Variants in SPIDR observed in about 807,000 individuals in gnomAD.
The protein encoded by SPIDR is DNA repair-scaffolding protein.
In SPIDR, 93 loss-of-function variants were observed where a neutral mutation model predicts 104.6. The ratio of observed to expected loss-of-function variants is 0.89; its 90% CI spans 0.75 to 1.06. The LOEUF (loss-of-function observed/expected upper bound fraction) is 1.06, where lower values mean the gene tolerates loss of function less well. Among genes scored for constraint, SPIDR ranks in the 50% least tolerant of loss-of-function variants. The pLI, the probability that SPIDR is intolerant of heterozygous loss-of-function variation, is 0.00. For synonymous variants in SPIDR, 431 were observed against 416.9 expected, an observed-to-expected ratio of 1.03 and a Z score of -0.41; for missense variants, 1,154 against 1,111.2, an observed-to-expected ratio of 1.04 and a Z score of -0.55.
chr8:47,594,164 A>T (rs2061381657), intron 8 of SPIDR, among the ~76,000 whole-genome samples: 1 of 132,802 alleles, frequency 7.5e-6, no homozygotes, highest in Non-Finnish European at 1.5e-5. Context: ...GTTTGAGACC[A>T]GCCTGGTCAC....
intron 8 of SPIDR, among the ~76,000 whole-genome samples, chr8:47,545,678 C>G (rs2089230655): frequency 6.6e-6 from 1 of 152,050 alleles, no homozygotes; most frequent in Non-Finnish European, 1.5e-5. Flanking sequence ...CACTGAATAG[C>G]AGAAGTGAGA....
intron 5 of SPIDR, among the ~76,000 whole-genome samples, chr8:47,323,527 G>A (rs2047152734): frequency 1.3e-5 from 2 of 152,302 alleles, no homozygotes; most frequent in South Asian, 2.1e-4. Flanking sequence ...TTGGTGTTGT[G>A]TCAGTCATCC....
chr8:47,446,517 C>T (rs1177440331), intron 8 of SPIDR, among the ~76,000 whole-genome samples: 4 of 151,944 alleles, frequency 2.6e-5, no homozygotes, highest in Non-Finnish European at 5.9e-5. Context: ...CATTCTGTAA[C>T]CTGTGGATCA....
Position 47,700,444 on chromosome 8 carries a change from C to T in SPIDR, c.1727C>T (p.Pro576Leu), listed in dbSNP as rs2080002631. The T allele has an allele frequency of 8.7e-6, 14 of 1,614,196 alleles. No homozygotes were observed. In the East Asian group the frequency reaches 3.1e-4, roughly 36 times the overall value. The change falls in exon 12 of 20, where the codon CCA becomes CTA. Residue 576 changes from proline (P) to leucine (L), a missense_variant. Physicochemically the swap from Pro to Leu is moderately conservative, Grantham distance 98 (BLOSUM62 -3). Coordinates refer to ENST00000297423, the MANE Select transcript of SPIDR (RefSeq NM_001080394.4). Reference protein sequence around the residue: ...IFSLIDTLWPPAIPLKTPGRD... With the variant: ...IFSLIDTLWPLAIPLKTPGRD... ...AGTTTGATTGACACCCTGTGGCCCC[C>T]AGCGATACCTCTGAAAACACCTGGC...
At chr8:47,323,192 T>C (rs1586956825) in intron 5 of SPIDR, among the ~76,000 whole-genome samples, 1 of 152,194 alleles carries the variant, frequency 6.6e-6, no homozygotes, top group African/African-American at 2.4e-5. Context: ...TGTAAAGCCT[T>C]GGTGATGTAT....
chr8:47,596,058 G>T, intron 9 of SPIDR, 52 bp downstream of exon 9: 1 of 1,499,762 alleles, frequency 6.7e-7, no homozygotes, highest in East Asian at 2.3e-5. Flanking sequence ...GTTAGTGACT[G>T]GATTTGGAAG....
At chr8:47,609,666 G>A (rs2063379634) in intron 10 of SPIDR, among the ~76,000 whole-genome samples, 1 of 152,106 alleles carries the variant, frequency 6.6e-6, no homozygotes, top group Non-Finnish European at 1.5e-5. Context: ...ACAGCTATCT[G>A]ATTGAAAAAG....
At chr8:47,324,768 T>C (rs539677778) in intron 5 of SPIDR, among the ~76,000 whole-genome samples, 2 of 152,298 alleles carry the variant, frequency 1.3e-5, no homozygotes, top group African/African-American at 4.8e-5. Context: ...TCTGAGAAAG[T>C]GGTACTTATA....
At chr8:47,369,172 G>A (rs2057663448) in intron 5 of SPIDR, among the ~76,000 whole-genome samples, 1 of 152,178 alleles carries the variant, frequency 6.6e-6, no homozygotes, top group South Asian at 2.1e-4. Flanking sequence ...ACAGGTGAGT[G>A]AGAGTGTTCT....
At chr8:47,708,561 C>G (rs766563352) in intron 14 of SPIDR, among the ~76,000 whole-genome samples, 6 of 152,138 alleles carry the variant, frequency 3.9e-5, no homozygotes, top group Non-Finnish European at 7.3e-5. Context: ...CATGAGGGTT[C>G]ACTCTTGGTG....
At chr8:47,490,735 C>CT (rs1485916694) in intron 8 of SPIDR, among the ~76,000 whole-genome samples, 50 of 152,276 alleles carry the variant, frequency 3.3e-4, no homozygotes, top group Admixed American at 6.5e-4. Flanking sequence ...TCTCAGCAAA[C>CT]TATCGCAAGG....
chr8:47,673,533 G>A (rs2076049654), intron 10 of SPIDR: 3 of 539,508 alleles, frequency 5.6e-6, no homozygotes, highest in Non-Finnish European at 1.1e-5. Flanking sequence ...TTTCATGCCT[G>A]TGGATGGTGG....
chr8:47,598,052 G>C (rs967459566), intron 9 of SPIDR, among the ~76,000 whole-genome samples: 5 of 152,284 alleles, frequency 3.3e-5, no homozygotes, highest in African/African-American at 9.6e-5. Context: ...AGAGGATTAT[G>C]CAAAAAGGAA....
At chr8:47,725,427 C>G (rs2084078076) in intron 16 of SPIDR, among the ~76,000 whole-genome samples, 2 of 152,202 alleles carry the variant, frequency 1.3e-5, no homozygotes, top group African/African-American at 4.8e-5. Context: ...GAGTCTCTCT[C>G]TGTCACCAGG....
At chr8:47,721,547 C>T (rs2154492051) in intron 16 of SPIDR, among the ~76,000 whole-genome samples, 1 of 152,126 alleles carries the variant, frequency 6.6e-6, no homozygotes, top group East Asian at 1.9e-4. Context: ...TCTTGGCTCA[C>T]TGCAAGCTCC....
At chr8:47,657,893 CG>C (rs2073151432) in intron 10 of SPIDR, among the ~76,000 whole-genome samples, 1 of 151,552 alleles carries the variant, frequency 6.6e-6, no homozygotes, top group South Asian at 2.1e-4. Context: ...TAGCTGGACA[CG>C]GTAGCACAGG....
At chr8:47,653,803 G>A in intron 10 of SPIDR, among the ~76,000 whole-genome samples, 1 of 150,786 alleles carries the variant, frequency 6.6e-6, no homozygotes, top group East Asian at 1.9e-4. Context: ...CCAGGAGAGA[G>A]AAAAGAGCTC....
At chr8:47,269,165 C>CTTTTT (rs1160351168) in intron 1 of SPIDR, among the ~76,000 whole-genome samples, 1 of 111,810 alleles carries the variant, frequency 8.9e-6, no homozygotes, top group Non-Finnish European at 1.8e-5. Context: ...AGACCCTCTC[C>CTTTTT]TTTTTTTTTT....
chr8:47,595,308 T>G (rs2061520549), intron 8 of SPIDR, among the ~76,000 whole-genome samples: 1 of 152,238 alleles, frequency 6.6e-6, no homozygotes, highest in African/African-American at 2.4e-5. Context: ...GAGAATTTTG[T>G]CTGCTCTATT....
Sources: allele counts gnomAD v4.1 joint callset (sites outside exome capture counted in the v4.1 genomes callset), GRCh38; gene constraint gnomAD v4.1.1; transcripts MANE v1.5; gene names NCBI Gene and HGNC (gene_info 2026-07-23, HGNC 2026-07-21).